Variants in AIM2 observed in about 807,000 individuals in gnomAD.
AIM2 encodes absent in melanoma 2, also known as interferon-inducible protein AIM2.
AIM2 carries 30 observed loss-of-function variants against 27.7 expected under a neutral mutation model. The observed-to-expected ratio is 1.08, with a 90% CI of 0.81 to 1.47. The LOEUF is 1.47. Among genes scored for constraint, AIM2 ranks in the 40% most tolerant of loss-of-function variants. The pLI is 0.00. For synonymous variants in AIM2, 141 were observed against 145.3 expected, an observed-to-expected ratio of 0.97 and a Z score of 0.21; for missense variants, 358 against 411.3, an observed-to-expected ratio of 0.87 and a Z score of 1.12.
upstream of AIM2, chr1:159,081,504 T>TA: frequency 1.9e-6 from 1 of 522,216 alleles, no homozygotes; most frequent in Non-Finnish European, 3.9e-6. Context: ...GACTGCAGAA[T>TA]AATTTTATTA....
intron 1 of AIM2, among the ~76,000 whole-genome samples, chr1:159,138,871 T>C (rs1050218561): frequency 6.6e-6 from 1 of 152,244 alleles, no homozygotes; most frequent in African/African-American, 2.4e-5. Flanking sequence ...AGCTCCAGCA[T>C]CTCTGAAGTA....
downstream of AIM2, among the ~76,000 whole-genome samples, chr1:159,060,117 G>C (rs921217446): frequency 6.6e-5 from 10 of 152,184 alleles, no homozygotes; most frequent in African/African-American, 2.4e-4. Context: ...GAATTACTGG[G>C]TCAAATAATA....
At chr1:159,124,773 T>C (rs1229557625) in intron 1 of AIM2, among the ~76,000 whole-genome samples, 1 of 152,050 alleles carries the variant, frequency 6.6e-6, no homozygotes, top group South Asian at 2.1e-4. Flanking sequence ...AGCGCACCTC[T>C]CTCCCCAGCT....
chr1:159,103,527 C>G (rs886830236), intron 1 of AIM2, among the ~76,000 whole-genome samples: 1 of 152,164 alleles, frequency 6.6e-6, no homozygotes, highest in African/African-American at 2.4e-5. Flanking sequence ...TCCACCTCAC[C>G]TAGAGAGGAA....
intron 1 of AIM2, among the ~76,000 whole-genome samples, chr1:159,138,416 C>T (rs1648051778): frequency 6.6e-6 from 1 of 152,188 alleles, no homozygotes; most frequent in Non-Finnish European, 1.5e-5. Context: ...GAGAGGTCTT[C>T]CACAACCATC....
chr1:159,080,007 T>C (rs1404937807), upstream of AIM2, among the ~76,000 whole-genome samples: 2 of 152,214 alleles, frequency 1.3e-5, no homozygotes, highest in Non-Finnish European at 2.9e-5. Context: ...TGGTTTTTCA[T>C]GGCTTGATGG....
downstream of AIM2, among the ~76,000 whole-genome samples, chr1:159,060,601 C>T (rs1655801729): frequency 6.6e-6 from 1 of 152,276 alleles, no homozygotes; most frequent in Middle Eastern, 3.4e-3. Context: ...CTGATCTAGT[C>T]TTTACTATAC....
downstream of AIM2, among the ~76,000 whole-genome samples, chr1:159,061,519 A>C (rs974609397): frequency 2.7e-5 from 4 of 146,154 alleles, no homozygotes; most frequent in African/African-American, 7.7e-5. Context: ...CAGCCTCCCG[A>C]GTAGCTGGGA....
intron 1 of AIM2, among the ~76,000 whole-genome samples, chr1:159,094,778 A>T (rs2814764): frequency 0.72 from 109,387 of 152,140 alleles, 43,821 homozygotes; most frequent in Non-Finnish European, 0.89. Flanking sequence ...TACCATACAA[A>T]TTTTTTGCAA....
intron 4 of AIM2, among the ~76,000 whole-genome samples, chr1:159,064,961 T>C (rs1656018972): frequency 6.6e-6 from 1 of 152,330 alleles, no homozygotes; most frequent in East Asian, 1.9e-4. Flanking sequence ...TCAGTATATA[T>C]GAGTGGATAG....
chr1:159,101,569 C>A (rs1657313184), intron 1 of AIM2, among the ~76,000 whole-genome samples: 1 of 152,104 alleles, frequency 6.6e-6, no homozygotes, highest in African/African-American at 2.4e-5. Context: ...CAGAAGAAGA[C>A]AAGAAGATGT....
intron 1 of AIM2, among the ~76,000 whole-genome samples, chr1:159,116,032 A>C (rs1647338169): frequency 1.3e-5 from 2 of 152,228 alleles, no homozygotes; most frequent in South Asian, 4.1e-4. Flanking sequence ...GGATATGAAC[A>C]GACACTTCTC....
chr1:159,107,308 G>A (rs1657470458), intron 1 of AIM2, among the ~76,000 whole-genome samples: 1 of 144,760 alleles, frequency 6.9e-6, no homozygotes, highest in Admixed American at 6.8e-5. Context: ...ATGTGTGTAT[G>A]TGTGTGTGTG....
intron 1 of AIM2, among the ~76,000 whole-genome samples, chr1:159,085,592 A>G (rs1656890091): frequency 6.6e-6 from 1 of 152,232 alleles, no homozygotes; most frequent in Non-Finnish European, 1.5e-5. Context: ...ACGAAAGGTC[A>G]GAACTCCAGA....
chr1:159,087,214 C>G lies in AIM2; in HGVS notation c.-15-20885G>C, dbSNP rs142035371. 4.9e-3 allele frequency among the ~76,000 whole-genome samples: 739 copies of G among 152,238 alleles called. 5 individuals are homozygous for G. Among genetic ancestry groups the G allele is most frequent in the Middle Eastern group, 0.01 (3 of 294 alleles). On this transcript the variant is annotated intron_variant, in intron 1 of 2. Transcript: ENST00000368129. The stretch of plus-strand genomic sequence containing the variant: ...GCTCCCAACCCAACAGTCTCTACTT[C>G]TTCGCTTTTCCTTGACTCCTACACT...
intron 1 of AIM2, among the ~76,000 whole-genome samples, chr1:159,092,053 T>A (rs1316154260): frequency 1.3e-5 from 2 of 152,248 alleles, no homozygotes; most frequent in African/African-American, 2.4e-5. Flanking sequence ...AGGTGAGTCA[T>A]CTTATCATGA....
chr1:159,087,310 T>A (rs896698601), intron 1 of AIM2, among the ~76,000 whole-genome samples: 1 of 131,260 alleles, frequency 7.6e-6, no homozygotes, highest in African/African-American at 2.5e-5. Flanking sequence ...ATGATGGCAG[T>A]CAGGTGAGGT....
At chr1:159,137,643 C>T (rs1190024755) in intron 1 of AIM2, among the ~76,000 whole-genome samples, 2 of 152,084 alleles carry the variant, frequency 1.3e-5, no homozygotes, top group Admixed American at 6.6e-5. Flanking sequence ...GGTGACAGAG[C>T]GAGACTCCAT....
chr1:159,136,359 T>C (rs1449826278), intron 1 of AIM2, among the ~76,000 whole-genome samples: 1 of 152,194 alleles, frequency 6.6e-6, no homozygotes, highest in Admixed American at 6.5e-5. Context: ...TCGACAATTT[T>C]ACAGCTTACC....
Sources: gnomAD v4.1 joint callset for allele counts (sites outside exome capture counted in the v4.1 genomes callset) on GRCh38, gnomAD v4.1.1 for gene constraint, MANE v1.5 for transcripts, NCBI Gene and HGNC (gene_info 2026-07-23, HGNC 2026-07-21) for gene names.